THUMPD2: variants seen among roughly 807,000 people sequenced by gnomAD.
THUMPD2 encodes THUMP domain 2 tRNA and snRNA guanosine methyltransferase, also known as U6 snRNA (guanine-N(2))-methyltransferase THUMPD2.
THUMPD2 carries 56 observed loss-of-function variants against 49.4 expected under a neutral mutation model. That is an observed-to-expected ratio of 1.13 (90% CI 0.91 to 1.41). THUMPD2 has a LOEUF of 1.41. Ranked by LOEUF, THUMPD2 falls within the 40% of genes most tolerant of loss-of-function variation. The pLI, the probability that THUMPD2 is intolerant of heterozygous loss-of-function variation, is 0.00. For synonymous variants in THUMPD2, 237 were observed against 205.2 expected (o/e 1.15, Z -1.32); for missense variants, 709 against 594.5 (o/e 1.19, Z -2.00).
At position 39,772,820 on chromosome 2, in the gene THUMPD2, T is replaced by A. The variant is rs550304668; in HGVS notation, c.127-1180A>T. ...TTCCTGTGTGTTAAGGCAGCTACCA[T>A]CCATGGGTACTTGAACTCCAAGGGT... On this transcript the variant is annotated intron_variant, in intron 1 of 9. Transcript: ENST00000505747. Among the ~76,000 whole-genome samples the A allele has an allele frequency of 2.0e-5, 3 of 152,308 alleles. No individual in the cohort carries two copies. The East Asian group carries it at 5.8e-4, about 29-fold the overall frequency.
At chr2:39,769,555 A>G in intron 3 of THUMPD2, 155 bp downstream of exon 3, 1 of 627,068 alleles carries the variant, frequency 1.6e-6, no homozygotes, top group Non-Finnish European at 2.4e-6. Context: ...TACAAAAATT[A>G]GCTGGGTGTG....
chr2:39,755,814 A>G (rs1039945200), intron 7 of THUMPD2, 75 bp downstream of exon 7: 57 of 1,219,376 alleles, frequency 4.7e-5, no homozygotes, highest in Non-Finnish European at 6.2e-5. Flanking sequence ...TTCTACTTGT[A>G]AATAATTGGT....
chr2:39,740,115 TAACACTGTCATTTTGC>T (rs1307274322), intron 9 of THUMPD2, among the ~76,000 whole-genome samples: 12 of 152,340 alleles, frequency 7.9e-5, no homozygotes, highest in African/African-American at 2.6e-4. Flanking sequence ...GTATGCTCTA[TAACACTGTCATTTTGC>T]AGATGAAGAA....
At chr2:39,778,967 G>C (rs1572906820) in intron 1 of THUMPD2, 147 bp downstream of exon 1, 18 of 1,053,550 alleles carry the variant, frequency 1.7e-5, no homozygotes, top group Non-Finnish European at 2.3e-5. Flanking sequence ...GAGCGGAAGC[G>C]CCTGCCAGTC....
At chr2:39,774,463 G>A (rs1678804722) in intron 1 of THUMPD2, among the ~76,000 whole-genome samples, 1 of 152,120 alleles carries the variant, frequency 6.6e-6, no homozygotes, top group South Asian at 2.1e-4. Context: ...ACATCCTTTT[G>A]CTTGAAGTCA....
chr2:39,778,044 C>A (rs148507787), intron 1 of THUMPD2, among the ~76,000 whole-genome samples: 27 of 152,248 alleles, frequency 1.8e-4, no homozygotes, highest in Middle Eastern at 6.8e-3. Context: ...GGTTTGAATC[C>A]CATCTTTGCG....
In THUMPD2 at chr2:39,736,986, CTT is replaced by C; in HGVS notation, c.1259_1260del (p.Lys420ArgfsTer15). 1 of 1,614,048 alleles carries C rather than the reference CTT, an allele frequency of 6.2e-7. No homozygotes were observed. The highest frequency in any genetic ancestry group is 2.2e-5 in the East Asian group (1 of 44,870). On this transcript the variant is annotated frameshift_variant, in exon 10 of 10. Transcript: ENST00000505747. LOFTEE classifies it low-confidence loss of function (END_TRUNC). Reference protein sequence around the residue: ...EDHHRRLTDCKESNIPFNSKD... With the variant: ...EDHHRRLTDCXESNIPFNSKD... ...TTGGAATTGAAAGGGATGTTGCTCT[CTT>C]TACAATCTGTAAGGCGCCTGTGGTG...
Position 39,755,918 on chromosome 2 carries a change from T to G in THUMPD2, c.934A>C (p.Ile312Leu). 1 of 1,613,930 alleles carries G rather than the reference T, an allele frequency of 6.2e-7. No homozygotes were observed. Among genetic ancestry groups the G allele is most frequent in the African/African-American group, 1.3e-5 (1 of 75,050 alleles). The change falls in exon 7 of 10, where the codon ATA becomes CTA. Residue 312 changes from isoleucine to leucine, a missense_variant. Coordinates refer to ENST00000505747, the MANE Select transcript of THUMPD2 (RefSeq NM_025264.5). The part of the protein sequence containing the change: ...VLDPMCGLGT[I>L]LLEAAKEWPD... ...CATTCTTTAGCAGCTTCCAAAAGTA[T>G]TGTTCCAAGTCCACACATTGGATCT... is the stretch of plus-strand genomic sequence containing the variant.
At chr2:39,756,775 G>A (rs1166153722) in intron 6 of THUMPD2, among the ~76,000 whole-genome samples, 1 of 152,150 alleles carries the variant, frequency 6.6e-6, no homozygotes, top group Non-Finnish European at 1.5e-5. Context: ...CTGTGGTGCG[G>A]AGGCAAGCAG....
intron 8 of THUMPD2, among the ~76,000 whole-genome samples, chr2:39,751,722 TC>T (rs1349611531): frequency 1.4e-5 from 2 of 147,664 alleles, no homozygotes; most frequent in African/African-American, 5.1e-5. Flanking sequence ...TCTCGCCATG[TC>T]ACCTAGGCTG....
Position 39,779,101 on chromosome 2 carries a change from G to A in THUMPD2, c.126+13C>T. ...CCGCCCACCTCCCCAGGCGCGCAGC[G>A]AGGCCAACTCACCTGCGTGGCCGCC... is the stretch of plus-strand genomic sequence containing the variant. On this transcript the variant is annotated intron_variant, in intron 1 of 9. Coordinates refer to ENST00000505747, the MANE Select transcript of THUMPD2 (RefSeq NM_025264.5). 3 of 1,500,898 alleles carry A rather than the reference G, an allele frequency of 2.0e-6. No homozygotes were observed. The highest frequency in any genetic ancestry group is 2.7e-6 in the Non-Finnish European group (3 of 1,131,658). The allele number at this position is 1,500,898 out of a possible 1,614,324, so 93.0% of individuals were successfully genotyped here.
chr2:39,737,110 A>C, intron 9 of THUMPD2, 51 bp from the exon 10 acceptor site: 2 of 1,470,672 alleles, frequency 1.4e-6, no homozygotes, highest in South Asian at 2.7e-5. Context: ...TCTAGACAAC[A>C]AACAATCCCA....
chr2:39,756,348 A>G (rs1009418076), intron 6 of THUMPD2, among the ~76,000 whole-genome samples: 1 of 152,156 alleles, frequency 6.6e-6, no homozygotes, highest in Middle Eastern at 3.4e-3. Flanking sequence ...TTGTGATTCT[A>G]TTATTTAAGT....
In THUMPD2 at chr2:39,769,821, TTCTTCTTGAA is replaced by T. The variant is rs776652599; in HGVS notation, c.551_560del (p.Phe184Ter). On this transcript the variant is annotated frameshift_variant, in exon 3 of 10. Coordinates refer to ENST00000505747, the MANE Select transcript of THUMPD2 (RefSeq NM_025264.5). LOFTEE classifies it high-confidence loss of function. ...CTTTCTCTATGTCATTCTGAAATTC[TTCTTCTTGAA>T]ACTTTTCGCTTTTAGTGGTAAAATC... The T allele has an allele frequency of 5.0e-6, 8 of 1,605,092 alleles. No individual in the cohort carries two copies. Among genetic ancestry groups the T allele is most frequent in the African/African-American group, 1.5e-5 (1 of 68,350 alleles).
chr2:39,758,222 G>T (rs1381869808), intron 6 of THUMPD2, among the ~76,000 whole-genome samples: 1 of 152,138 alleles, frequency 6.6e-6, no homozygotes, highest in Non-Finnish European at 1.5e-5. Flanking sequence ...ACCACTGGCA[G>T]TTTGGGAAAA....
chr2:39,767,731 T>C (rs1196054517), intron 4 of THUMPD2, among the ~76,000 whole-genome samples: 1 of 152,124 alleles, frequency 6.6e-6, no homozygotes, highest in African/African-American at 2.4e-5. Context: ...GTATTATTTT[T>C]TTAAAGTGAC....
intron 8 of THUMPD2, among the ~76,000 whole-genome samples, chr2:39,754,111 G>A (rs1442595303): frequency 6.6e-6 from 1 of 152,130 alleles, no homozygotes; most frequent in Non-Finnish European, 1.5e-5. Context: ...TGCCTACAAG[G>A]TGCTTTGGAG....
chr2:39,756,514 G>A (rs934243556), intron 6 of THUMPD2, among the ~76,000 whole-genome samples: 5 of 151,416 alleles, frequency 3.3e-5, no homozygotes, highest in Admixed American at 2.0e-4. Context: ...TATAATGATC[G>A]AACTTTTTAA....
At chr2:39,769,199 T>C in intron 3 of THUMPD2, 5 of 796,690 alleles carry the variant, frequency 6.3e-6, no homozygotes, top group African/African-American at 3.7e-5. Context: ...CATCTGTAGA[T>C]TTAAGGAAAT....
Sources: allele counts gnomAD v4.1 joint callset (sites outside exome capture counted in the v4.1 genomes callset), GRCh38; gene constraint gnomAD v4.1.1; transcripts MANE v1.5; gene names NCBI Gene and HGNC (gene_info 2026-07-23, HGNC 2026-07-21).